Variants in RALB observed in about 807,000 individuals in gnomAD.
RALB encodes the protein ras-related protein Ral-B.
In RALB, 16 loss-of-function variants were observed where a neutral mutation model predicts 21.3. The ratio of observed to expected loss-of-function variants is 0.75; its 90% CI spans 0.51 to 1.14. The LOEUF (loss-of-function observed/expected upper bound fraction) is 1.14. Ranked by LOEUF, RALB falls within the 50% of genes most tolerant of loss-of-function variation. RALB has a pLI of 0.00. For missense variants in RALB, 161 were observed against 256.2 expected (o/e 0.63, Z 2.54); for synonymous variants, 93 against 96.1 (o/e 0.97, Z 0.19).
chr2:120,275,741 C>T (rs1184866204), intron 1 of RALB, among the ~76,000 whole-genome samples: 1 of 152,136 alleles, frequency 6.6e-6, no homozygotes, highest in Non-Finnish European at 1.5e-5. Context: ...AGAATGAACA[C>T]TCTCGTAAAG....
upstream of RALB, chr2:120,252,685 G>T: frequency 1.3e-6 from 1 of 743,464 alleles, no homozygotes; most frequent in Non-Finnish European, 1.6e-6. Context: ...GCTTCTCATT[G>T]GTGAAACCTC....
chr2:120,281,309 C>T (rs1338545741), intron 2 of RALB, among the ~76,000 whole-genome samples: 5 of 152,172 alleles, frequency 3.3e-5, no homozygotes, highest in Non-Finnish European at 4.4e-5. Context: ...TCTCCAAGGC[C>T]GGCAGGACAG....
chr2:120,248,575 C>T (rs1002758402), upstream of RALB, among the ~76,000 whole-genome samples: 3 of 152,210 alleles, frequency 2.0e-5, no homozygotes, highest in Admixed American at 6.5e-5. Flanking sequence ...CCCCACTGTG[C>T]GTGGACCCCC....
intron 1 of RALB, among the ~76,000 whole-genome samples, chr2:120,275,611 T>A (rs2104626474): frequency 6.6e-6 from 1 of 152,238 alleles, no homozygotes; most frequent in African/African-American, 2.4e-5. Context: ...TTTAAGATGA[T>A]GTTGTTTTAT....
chr2:120,256,766 CT>C (rs754437824), intron 1 of RALB, among the ~76,000 whole-genome samples: 6 of 152,204 alleles, frequency 3.9e-5, no homozygotes, highest in Non-Finnish European at 7.3e-5. Context: ...CATACCATCC[CT>C]TCTACCAGCA....
chr2:120,289,444 T>C (rs1181322572), intron 3 of RALB, 136 bp from the exon 4 acceptor site: 3 of 900,202 alleles, frequency 3.3e-6, no homozygotes, highest in Non-Finnish European at 5.2e-6. Context: ...GAGTGCTTTC[T>C]CAGAACATGC....
rs1033200284 is a variant in RALB at position 120,293,352 on chromosome 2, C to T, written c.*92C>T. ...TATGGTTGACTTCTTGCTTGTGCTTCCCACTCTCCCCGACTTCATTCACTC... is the reference window on the plus strand; with the variant it reads ...TATGGTTGACTTCTTGCTTGTGCTTTCCACTCTCCCCGACTTCATTCACTC... On this transcript the variant is annotated 3_prime_UTR_variant, in exon 5 of 5. Coordinates refer to ENST00000272519, the MANE Select transcript of RALB (RefSeq NM_002881.3). 6.9e-6 allele frequency: 9 copies of T among 1,313,862 alleles called. No homozygotes were observed. Among genetic ancestry groups the T allele is most frequent in the Middle Eastern group, 4.0e-4 (2 of 5,024 alleles). 81.4% of individuals were successfully genotyped at this position (1,313,862 alleles called of 1,614,324 possible).
chr2:120,261,023 G>T (rs1424411364), intron 1 of RALB, among the ~76,000 whole-genome samples: 1 of 152,130 alleles, frequency 6.6e-6, no homozygotes, highest in Non-Finnish European at 1.5e-5. Context: ...CCAAATCTTG[G>T]GCTCCACTCC....
intron 1 of RALB, among the ~76,000 whole-genome samples, chr2:120,258,434 G>A (rs1042676686): frequency 6.6e-6 from 1 of 152,206 alleles, no homozygotes; most frequent in East Asian, 1.9e-4. Flanking sequence ...GTAGGAAAGC[G>A]CTTGGCACAT....
chr2:120,260,025 G>GGGCT (rs1028351028), intron 1 of RALB, among the ~76,000 whole-genome samples: 3 of 152,242 alleles, frequency 2.0e-5, no homozygotes, highest in African/African-American at 4.8e-5. Flanking sequence ...GGGGCCAGCA[G>GGGCT]GGCTGGCTGG....
Position 120,293,819 on chromosome 2 carries a change from C to A in RALB, c.*559C>A. 1.3e-5 allele frequency: 3 copies of A among 224,112 alleles called. No individual in the cohort carries two copies. The highest frequency in any genetic ancestry group is 2.6e-5 in the Non-Finnish European group (3 of 116,358). 13.9% of individuals were successfully genotyped at this position (224,112 alleles called of 1,614,324 possible). A position where few individuals can be genotyped will look rare whatever the true frequency, so the allele number is the denominator to read the frequency against. On this transcript the variant is annotated 3_prime_UTR_variant, in exon 5 of 5. Coordinates refer to ENST00000272519, the MANE Select transcript of RALB (RefSeq NM_002881.3). ...GCTAAAAAAATGAATTTGAATTGCGCCAGATAGGTCAATACCAAGCTTCTG... is the reference window on the plus strand; with the variant it reads ...GCTAAAAAAATGAATTTGAATTGCGACAGATAGGTCAATACCAAGCTTCTG...
intron 1 of RALB, among the ~76,000 whole-genome samples, chr2:120,260,320 G>T (rs983966950): frequency 6.6e-6 from 1 of 152,260 alleles, no homozygotes; most frequent in South Asian, 2.1e-4. Flanking sequence ...CCTCTCACTA[G>T]TAGTGACTTC....
chr2:120,286,905 A>G (rs533717151), intron 3 of RALB, among the ~76,000 whole-genome samples: 1 of 152,328 alleles, frequency 6.6e-6, no homozygotes, highest in Admixed American at 6.5e-5. Flanking sequence ...CCTTCAGTTC[A>G]TTTTGTTATA....
intron 4 of RALB, 91 bp from the exon 5 acceptor site, chr2:120,293,050 C>G: frequency 1.6e-6 from 2 of 1,276,296 alleles, no homozygotes; most frequent in Non-Finnish European, 2.1e-6. Context: ...TCCTTAAATG[C>G]TGTGTTCACA....
In RALB at chr2:120,278,711, A is replaced by G; in HGVS notation, c.47A>G (p.Lys16Arg). The G allele has an allele frequency of 6.3e-7, 1 of 1,597,784 alleles. No individual in the cohort carries two copies. Residue 16 changes from lysine (K) to arginine (R), a missense_variant, in exon 2 of 5, where the codon AAG becomes AGG. By Grantham distance (26) the Lys-to-Arg change is conservative. Coordinates refer to ENST00000272519, the MANE Select transcript of RALB (RefSeq NM_002881.3). ...GGCCAGAGCTCCTTGGCCCTCCACA[A>G]GGTGATCATGGTTGGCAGCGGAGGC... ...SKGQSSLALH[K>R]VIMVGSGGVG...
At chr2:120,292,991 G>T in intron 4 of RALB, 150 bp from the exon 5 acceptor site, 1 of 754,700 alleles carries the variant, frequency 1.3e-6, no homozygotes, top group Non-Finnish European at 1.9e-6. Flanking sequence ...TTGACTTTGT[G>T]CTTTAAAATG....
At chr2:120,266,206 G>C (rs1270738720) in intron 1 of RALB, among the ~76,000 whole-genome samples, 1 of 152,154 alleles carries the variant, frequency 6.6e-6, no homozygotes, top group Non-Finnish European at 1.5e-5. Flanking sequence ...CTTGAGGCTA[G>C]GAGTTTGAGA....
chr2:120,254,106 C>T (rs1191635402), intron 1 of RALB, among the ~76,000 whole-genome samples: 1 of 152,148 alleles, frequency 6.6e-6, no homozygotes, highest in African/African-American at 2.4e-5. Flanking sequence ...GGTAGCACTG[C>T]ATATTGGGAA....
intron 1 of RALB, among the ~76,000 whole-genome samples, chr2:120,242,826 A>G (rs2104564024): frequency 6.6e-6 from 1 of 152,362 alleles, no homozygotes; most frequent in South Asian, 2.1e-4. Context: ...CTATAATCCC[A>G]GCACTTTGGG....
Sources: allele counts gnomAD v4.1 joint callset (sites outside exome capture counted in the v4.1 genomes callset), GRCh38; gene constraint gnomAD v4.1.1; transcripts MANE v1.5; gene names NCBI Gene and HGNC (gene_info 2026-07-23, HGNC 2026-07-21).